ONECUT3: variants seen among roughly 807,000 people sequenced by gnomAD.
The protein encoded by ONECUT3 is one cut homeobox 3, also known as one cut domain family member 3.
Under a neutral mutation model 16.8 loss-of-function variants are expected in ONECUT3, and 11 were observed. That is an observed-to-expected ratio of 0.66 (90% CI 0.41 to 1.09). The LOEUF (loss-of-function observed/expected upper bound fraction) is 1.09. Ranked by LOEUF, ONECUT3 falls within the 50% of genes least tolerant of loss-of-function variation. The probability of loss-of-function intolerance (pLI) is 0.00; values close to 1 mark genes in which losing one functional copy is unlikely to be tolerated. For missense variants in ONECUT3, 637 were observed against 629.9 expected (o/e 1.01, Z -0.12); for synonymous variants, 344 against 310.7 (o/e 1.11, Z -1.13).
In ONECUT3 at chr19:1,754,202, C is replaced by G. The variant is rs767764220; in HGVS notation, c.540C>G (p.Ser180=). ...LMRDERAALA[S]VGHLYGPYGK... ...GCGACGAGCGGGCGGCGCTCGCCTC[C>G]GTGGGCCACCTCTACGGACCCTACG... Residue 180 remains serine (S), a synonymous_variant, in exon 1 of 2, where the codon TCC becomes TCG. Coordinates refer to ENST00000382349, the MANE Select transcript of ONECUT3 (RefSeq NM_001080488.2). This position sits in a 1 kb window ranked among gnomAD's most constrained non-coding sequence, Gnocchi z 7.4. The G allele has an allele frequency of 7.7e-4, 896 of 1,168,502 alleles. 39 individuals are homozygous for G. The East Asian group carries it at 0.046, about 61-fold the overall frequency. 72.4% of individuals were successfully genotyped at this position (1,168,502 alleles called of 1,614,324 possible).
rs1239466165 is a variant in ONECUT3 at position 1,769,005 on chromosome 19, AGGT to A, written c.1193-6142_1193-6140del. ...GAAGTGGAGGTGGAGGTGATGGTGG[AGGT>A]GGTGGAGGTGGAAGTGGAGGTGGAG... is the stretch of plus-strand genomic sequence containing the variant. On this transcript the variant is annotated intron_variant, in intron 1 of 1. Transcript: ENST00000382349. Among the ~76,000 whole-genome samples, 66 of 83,136 alleles carry A rather than the reference AGGT, an allele frequency of 7.9e-4. 1 individual carries two copies. The highest frequency in any genetic ancestry group is 1.7e-3 in the Admixed American group (15 of 8,734). The allele number at this position is 83,136 out of a possible 152,430, so 54.5% of individuals were successfully genotyped here. A position where few individuals can be genotyped will look rare whatever the true frequency, so the allele number is the denominator to read the frequency against.
At chr19:1,768,907 G>A (rs1364106914) in intron 1 of ONECUT3, among the ~76,000 whole-genome samples, 1 of 129,650 alleles carries the variant, frequency 7.7e-6, no homozygotes, top group South Asian at 2.5e-4. Flanking sequence ...TGGAGGTGGT[G>A]GAGGTGGAGG....
At position 1,755,859 on chromosome 19, in the gene ONECUT3, C is replaced by T. The variant is rs76849643; in HGVS notation, c.1192+1005C>T. Among the ~76,000 whole-genome samples the T allele has an allele frequency of 0.031, 4,700 of 152,278 alleles. 219 individuals carry two copies. Among genetic ancestry groups the T allele is most frequent in the African/African-American group, 0.11 (4,420 of 41,548 alleles). On this transcript the variant is annotated intron_variant, in intron 1 of 1. Transcript: ENST00000382349. This position sits in a 1 kb window ranked among gnomAD's most constrained non-coding sequence, Gnocchi z 7.5. ...ACCTGCCCTCTGACAGGCAGCCCGG[C>T]CAGGCCCCCATTTCCTAGGTGGGGG... is the stretch of plus-strand genomic sequence containing the variant.
intron 1 of ONECUT3, among the ~76,000 whole-genome samples, chr19:1,773,354 A>G (rs8108510): frequency 0.87 from 131,985 of 152,086 alleles, 57,742 homozygotes; most frequent in African/African-American, 0.97. Flanking sequence ...GCATTTAATC[A>G]TAAAACCTGA....
At chr19:1,765,538 G>T (rs921804238) in intron 1 of ONECUT3, among the ~76,000 whole-genome samples, 1 of 152,192 alleles carries the variant, frequency 6.6e-6, no homozygotes, top group African/African-American at 2.4e-5. Flanking sequence ...GCCGCTTCAC[G>T]CTGTCCTGTG....
chr19:1,763,735 T>TTG (rs1404497816), intron 1 of ONECUT3, among the ~76,000 whole-genome samples: 8 of 147,352 alleles, frequency 5.4e-5, no homozygotes, highest in South Asian at 2.1e-4. Flanking sequence ...CTTTTTTGTT[T>TTG]TTTTTTTTTT....
At chr19:1,775,126 G>GGGGCC in intron 1 of ONECUT3, 27 bp from the exon 2 acceptor site, 5 of 1,143,886 alleles carry the variant, frequency 4.4e-6, no homozygotes, top group Non-Finnish European at 6.0e-6. Flanking sequence ...TGTCCCGCTC[G>GGGGCC]CCCGCCCGCC....
chr19:1,776,381 A>C lies in ONECUT3; in HGVS notation c.*936A>C, dbSNP rs1298409080. On this transcript the variant is annotated 3_prime_UTR_variant, in exon 2 of 2. Transcript: ENST00000382349. This position sits in a 1 kb window ranked among gnomAD's most constrained non-coding sequence, Gnocchi z 4.9. ...AGGCGCCGCTGGGGCCGCCCGGAGG[A>C]GCCCCTCTGCACGGGCCCGTGGAGA... 2 of 151,970 alleles carry C rather than the reference A, an allele frequency of 1.3e-5. No homozygotes were observed. The highest frequency in any genetic ancestry group is 2.9e-5 in the Non-Finnish European group (2 of 68,040). 9.4% of individuals were successfully genotyped at this position (151,970 alleles called of 1,614,324 possible). A position where few individuals can be genotyped will look rare whatever the true frequency, so the allele number is the denominator to read the frequency against.
At position 1,764,690 on chromosome 19, in the gene ONECUT3, G is replaced by T. The variant is rs1014019658; in HGVS notation, c.1192+9836G>T. 6.6e-6 allele frequency among the ~76,000 whole-genome samples: 1 copy of T among 152,112 alleles called. No individual in the cohort carries two copies. The highest frequency in any genetic ancestry group is 1.5e-5 in the Non-Finnish European group (1 of 68,004). On this transcript the variant is annotated intron_variant, in intron 1 of 1. Transcript: ENST00000382349. This position sits in a 1 kb window ranked among gnomAD's most constrained non-coding sequence, Gnocchi z 5.0. ...GGAATCAATTTTCCAGCTCCCCGAG[G>T]GGTGCAGGGTGTAGACAGAGGGTGT...
At chr19:1,771,666 T>G (rs2068056120) in intron 1 of ONECUT3, among the ~76,000 whole-genome samples, 1 of 152,178 alleles carries the variant, frequency 6.6e-6, no homozygotes, top group Non-Finnish European at 1.5e-5. Flanking sequence ...TTCAATGAGC[T>G]GAGGACTTGA....
chr19:1,770,765 A>G (rs995044153), intron 1 of ONECUT3, among the ~76,000 whole-genome samples: 8 of 152,164 alleles, frequency 5.3e-5, no homozygotes, highest in Admixed American at 1.3e-4. Context: ...TGAGAGGTCA[A>G]TTCAGTTTTT....
intron 1 of ONECUT3, among the ~76,000 whole-genome samples, chr19:1,763,182 G>A (rs62130140): frequency 0.36 from 55,087 of 151,126 alleles, 10,436 homozygotes; most frequent in Middle Eastern, 0.46. Flanking sequence ...TGGCCAACAC[G>A]GCGAAACCCC....
intron 1 of ONECUT3, among the ~76,000 whole-genome samples, chr19:1,763,837 C>A (rs1298532066): frequency 3.3e-5 from 5 of 151,854 alleles, no homozygotes; most frequent in African/African-American, 1.2e-4. Context: ...TGCCGGCCGC[C>A]TAGTACTCTC....
intron 1 of ONECUT3, among the ~76,000 whole-genome samples, chr19:1,770,191 G>T (rs1240116382): frequency 2.6e-5 from 4 of 152,184 alleles, no homozygotes; most frequent in Admixed American, 6.5e-5. Flanking sequence ...CCAGGAGTTA[G>T]AGACCAGCCT....
Position 1,759,187 on chromosome 19 carries a change from T to C in ONECUT3, c.1192+4333T>C, listed in dbSNP as rs535233535. ...GGAGTTGCATGCTGAGGGCAGCTGG[T>C]GCAGGAATTGGGCACCTCTGTTTGG... On this transcript the variant is annotated intron_variant, in intron 1 of 1. Transcript: ENST00000382349. The surrounding 1 kb of genome is among the most constrained non-coding windows in gnomAD (Gnocchi z 4.1). 6.6e-6 allele frequency among the ~76,000 whole-genome samples: 1 copy of C among 152,124 alleles called. No individual in the cohort carries two copies. The highest frequency in any genetic ancestry group is 2.4e-5 in the African/African-American group (1 of 41,402).
At chr19:1,769,737 C>T (rs1423384809) in intron 1 of ONECUT3, among the ~76,000 whole-genome samples, 1 of 152,074 alleles carries the variant, frequency 6.6e-6, no homozygotes, top group Non-Finnish European at 1.5e-5. Context: ...GACAAAGCTG[C>T]TCGCGGTAAA....
intron 1 of ONECUT3, 35 bp from the exon 2 acceptor site, chr19:1,775,118 T>TCCCCCCCCCCC: frequency 8.4e-7 from 1 of 1,184,854 alleles, no homozygotes; most frequent in South Asian, 1.5e-5. Context: ...TGGCGCTGTG[T>TCCCCCCCCCCC]CCCGCTCGCC....
rs1305627983 is a variant in ONECUT3 at position 1,755,653 on chromosome 19, C to T, written c.1192+799C>T. On this transcript the variant is annotated intron_variant, in intron 1 of 1. Transcript: ENST00000382349. The surrounding 1 kb of genome is among the most constrained non-coding windows in gnomAD (Gnocchi z 7.5). ...TCTCTCATGTCCACTTCTCTCCTCT[C>T]TCGGTCGGAACACACTGGTATCTCT... Among the ~76,000 whole-genome samples, 1 of 152,236 alleles carries T rather than the reference C, an allele frequency of 6.6e-6. No individual in the cohort carries two copies. The highest frequency in any genetic ancestry group is 2.4e-5 in the African/African-American group (1 of 41,468).
rs773794617 is a variant in ONECUT3, at chr19:1,766,055, C to T, written c.1193-9098C>T. On this transcript the variant is annotated intron_variant, in intron 1 of 1. Coordinates refer to ENST00000382349, the MANE Select transcript of ONECUT3 (RefSeq NM_001080488.2). The surrounding 1 kb of genome is among the most constrained non-coding windows in gnomAD (Gnocchi z 4.0). ...CGTCCAAGGCCCCACAAGCTGATGCCGGTTTTCCCGCCCAGAACTGGAACA... is the reference window on the plus strand; with the variant it reads ...CGTCCAAGGCCCCACAAGCTGATGCTGGTTTTCCCGCCCAGAACTGGAACA... Among the ~76,000 whole-genome samples the T allele has an allele frequency of 1.3e-5, 2 of 152,226 alleles. No individual in the cohort carries two copies. Among genetic ancestry groups the T allele is most frequent in the African/African-American group, 2.4e-5 (1 of 41,454 alleles).
Sources: gnomAD v4.1 joint callset for allele counts (sites outside exome capture counted in the v4.1 genomes callset) on GRCh38, gnomAD v4.1.1 for gene constraint, Gnocchi (gnomAD v3.1) non-coding constraint, MANE v1.5 for transcripts, NCBI Gene and HGNC (gene_info 2026-07-23, HGNC 2026-07-21) for gene names.